CSMD1: variants seen among roughly 807,000 people sequenced by gnomAD.
CSMD1 encodes the protein CUB and sushi domain-containing protein 1.
CSMD1 carries 213 observed loss-of-function variants against 417.5 expected under a neutral mutation model. That is an observed-to-expected ratio of 0.51 (90% CI 0.46 to 0.57). The LOEUF (loss-of-function observed/expected upper bound fraction) is 0.57, where lower values mean the gene tolerates loss of function less well. CSMD1 is among the 20% of genes least tolerant of loss of function. The pLI is 0.00. For synonymous variants in CSMD1, 2,862 were observed against 1,736.8 expected (o/e 1.65, Z -16.11); for missense variants, 6,923 against 4,529.7 (o/e 1.53, Z -15.17).
intron 3 of CSMD1, among the ~76,000 whole-genome samples, chr8:4,301,178 C>A (rs1388239219): frequency 6.6e-6 from 1 of 152,134 alleles, no homozygotes; most frequent in African/African-American, 2.4e-5. Flanking sequence ...CGCTCTGGGG[C>A]AGCTCTCCTG....
intron 1 of CSMD1, among the ~76,000 whole-genome samples, chr8:4,940,243 C>A (rs927550940): frequency 6.6e-6 from 1 of 152,090 alleles, no homozygotes. Flanking sequence ...AGGACAAGAA[C>A]AGAAATAGTG....
intron 6 of CSMD1, among the ~76,000 whole-genome samples, chr8:3,752,513 G>A (rs932358927): frequency 2.0e-5 from 3 of 151,646 alleles, no homozygotes; most frequent in Non-Finnish European, 2.9e-5. Flanking sequence ...AATTAGCCGG[G>A]TGTGGTGGTC....
intron 2 of CSMD1, among the ~76,000 whole-genome samples, chr8:4,466,595 T>G (rs1007695165): frequency 2.0e-5 from 3 of 152,222 alleles, no homozygotes; most frequent in African/African-American, 7.2e-5. Flanking sequence ...AGTTTAGTTA[T>G]TCTAAGAGTT....
At position 4,541,900 on chromosome 8, in the gene CSMD1, T is replaced by A. The variant is rs138641795; in HGVS notation, c.302+95442A>T. ...ATGGAGGCTGGAGGCGCCGCACCTG[T>A]AGCTGCACTCTGTCCATTTCTATAG... On this transcript the variant is annotated intron_variant, in intron 2 of 69. Coordinates refer to ENST00000635120, the MANE Select transcript of CSMD1 (RefSeq NM_033225.6). Among the ~76,000 whole-genome samples, 382 of 152,248 alleles carry A rather than the reference T, an allele frequency of 2.5e-3. 4 individuals are homozygous for A. The highest frequency in any genetic ancestry group is 8.9e-3 in the African/African-American group (371 of 41,548).
chr8:4,946,869 A>G (rs2117263974), intron 1 of CSMD1, among the ~76,000 whole-genome samples: 1 of 152,268 alleles, frequency 6.6e-6, no homozygotes, highest in African/African-American at 2.4e-5. Flanking sequence ...TTTAAATCAT[A>G]GCCATGATTT....
At chr8:3,715,803 A>C (rs559760403) in intron 6 of CSMD1, among the ~76,000 whole-genome samples, 1 of 152,276 alleles carries the variant, frequency 6.6e-6, no homozygotes, top group African/African-American at 2.4e-5. Flanking sequence ...CTGGCCTCCC[A>C]AAGTGCTGGG....
intron 26 of CSMD1, among the ~76,000 whole-genome samples, chr8:3,238,961 T>C (rs1052942332): frequency 4.0e-5 from 6 of 151,886 alleles, no homozygotes; most frequent in African/African-American, 1.5e-4. Context: ...CAGAAGATAG[T>C]AGGGATGACA....
At chr8:3,659,470 A>T (rs1438743796) in intron 7 of CSMD1, among the ~76,000 whole-genome samples, 1 of 152,220 alleles carries the variant, frequency 6.6e-6, no homozygotes, top group Non-Finnish European at 1.5e-5. Flanking sequence ...TCCGAAACAC[A>T]GAAGCAGATG....
chr8:4,257,633 A>G (rs1329254604), intron 3 of CSMD1, among the ~76,000 whole-genome samples: 3 of 152,218 alleles, frequency 2.0e-5, no homozygotes, highest in Non-Finnish European at 4.4e-5. Flanking sequence ...CTACTGTTTC[A>G]GGAAATACAT....
intron 5 of CSMD1, among the ~76,000 whole-genome samples, chr8:3,893,281 T>G (rs1807108863): frequency 6.9e-6 from 1 of 145,136 alleles, no homozygotes; most frequent in African/African-American, 2.5e-5. Flanking sequence ...AACAAGTAAT[T>G]TGTGATTTCT....
intron 2 of CSMD1, among the ~76,000 whole-genome samples, chr8:4,474,180 C>G (rs1324766511): frequency 1.3e-5 from 2 of 151,964 alleles, no homozygotes; most frequent in Non-Finnish European, 2.9e-5. Context: ...AAATAATCTT[C>G]GTAAGTGAAA....
intron 2 of CSMD1, among the ~76,000 whole-genome samples, chr8:4,471,583 A>C (rs1800534516): frequency 6.6e-6 from 1 of 152,020 alleles, no homozygotes; most frequent in African/African-American, 2.4e-5. Context: ...CGTTTTAGAG[A>C]GAGGTGCAGG....
At chr8:4,121,643 A>C (rs1043587050) in intron 3 of CSMD1, among the ~76,000 whole-genome samples, 7 of 151,752 alleles carry the variant, frequency 4.6e-5, no homozygotes, top group Admixed American at 3.9e-4. Context: ...AAGAAGTGGG[A>C]ATTCTTAGGA....
intron 2 of CSMD1, among the ~76,000 whole-genome samples, chr8:4,491,329 G>T (rs532384352): frequency 6.6e-6 from 1 of 152,258 alleles, no homozygotes; most frequent in East Asian, 1.9e-4. Flanking sequence ...TCTGGAAGGG[G>T]ACAAGTCTGG....
At chr8:4,289,163 T>C (rs954628898) in intron 3 of CSMD1, among the ~76,000 whole-genome samples, 3 of 152,202 alleles carry the variant, frequency 2.0e-5, no homozygotes, top group Non-Finnish European at 2.9e-5. Context: ...TCTAAGACAG[T>C]GTATATTATA....
intron 51 of CSMD1, among the ~76,000 whole-genome samples, chr8:3,019,897 T>C (rs1419919871): frequency 2.6e-5 from 4 of 152,324 alleles, no homozygotes; most frequent in Non-Finnish European, 1.5e-5. Flanking sequence ...GAAATATGTT[T>C]TGAACAGGTA....
At chr8:3,631,162 C>T (rs1003834664) in intron 7 of CSMD1, among the ~76,000 whole-genome samples, 2 of 152,172 alleles carry the variant, frequency 1.3e-5, no homozygotes, top group African/African-American at 4.8e-5. Flanking sequence ...TGCACCCTGG[C>T]TAAACCGGCA....
At chr8:3,759,984 G>A (rs1454217605) in intron 5 of CSMD1, among the ~76,000 whole-genome samples, 1 of 151,756 alleles carries the variant, frequency 6.6e-6, no homozygotes, top group South Asian at 2.1e-4. Flanking sequence ...TTAATTCAGA[G>A]CGCACTGACC....
chr8:4,466,675 G>C (rs1404214526), intron 2 of CSMD1, among the ~76,000 whole-genome samples: 1 of 152,072 alleles, frequency 6.6e-6, no homozygotes, highest in Non-Finnish European at 1.5e-5. Flanking sequence ...ACTCTGAGTT[G>C]GGATATGTTC....
Sources: allele counts gnomAD v4.1 joint callset (sites outside exome capture counted in the v4.1 genomes callset), GRCh38; gene constraint gnomAD v4.1.1; transcripts MANE v1.5; gene names NCBI Gene and HGNC (gene_info 2026-07-23, HGNC 2026-07-21).